SLC6A12: variants seen among roughly 807,000 people sequenced by gnomAD.
SLC6A12 encodes the protein sodium- and chloride-dependent betaine transporter.
SLC6A12 carries 50 observed loss-of-function variants against 73.3 expected under a neutral mutation model. That is an observed-to-expected ratio of 0.68 (90% CI 0.54 to 0.86). The LOEUF (loss-of-function observed/expected upper bound fraction) is 0.86. Among genes scored for constraint, SLC6A12 ranks in the 40% least tolerant of loss-of-function variants. SLC6A12 has a pLI of 0.00. For missense variants in SLC6A12, 648 were observed against 772.8 expected (o/e 0.84, Z 1.92); for synonymous variants, 304 against 309.2 (o/e 0.98, Z 0.18).
chr12:192,704 C>T (rs1591778084), intron 14 of SLC6A12, 56 bp from the exon 15 acceptor site: 16 of 1,540,078 alleles, frequency 1.0e-5, no homozygotes, highest in East Asian at 6.7e-5. Context: ...AAACCCTCTC[C>T]GCAGCTACGT....
At position 204,716 on chromosome 12, in the gene SLC6A12, G is replaced by A. The variant is rs1940534107; in HGVS notation, c.215-18C>T. On this transcript the variant is annotated intron_variant, in intron 3 of 15. Coordinates refer to ENST00000684302, the MANE Select transcript of SLC6A12 (RefSeq NM_001122848.3). ...GAAGGCTCCTGCAGAAGAGAGAGAG[G>A]CAGGGCTGAGCCACACCCGGGCTCT... is the stretch of plus-strand genomic sequence containing the variant. 6.2e-7 allele frequency: 1 copy of A among 1,613,156 alleles called. No individual in the cohort carries two copies. The highest frequency in any genetic ancestry group is 1.7e-5 in the Admixed American group (1 of 59,968).
At chr12:201,391 C>A in intron 6 of SLC6A12, 1 of 248,150 alleles carries the variant, frequency 4.0e-6, no homozygotes, top group Non-Finnish European at 7.9e-6. Context: ...CCGCCTTGGG[C>A]AATTTCAAGC....
chr12:186,939 C>G (rs1406483934), downstream of SLC6A12, among the ~76,000 whole-genome samples: 1 of 152,186 alleles, frequency 6.6e-6, no homozygotes, highest in African/African-American at 2.4e-5. Context: ...CCACTGCCCT[C>G]TGCTGTCCCT....
chr12:212,716 G>A (rs899128732), intron 1 of SLC6A12, among the ~76,000 whole-genome samples: 4 of 152,110 alleles, frequency 2.6e-5, no homozygotes, highest in African/African-American at 9.7e-5. Context: ...TGGCCCAGAG[G>A]ATGTTAGACA....
intron 3 of SLC6A12, among the ~76,000 whole-genome samples, chr12:208,740 G>A (rs1051131122): frequency 3.9e-5 from 6 of 152,092 alleles, no homozygotes; most frequent in Admixed American, 3.3e-4. Context: ...GATTTCTTTC[G>A]GGGATGATGA....
At chr12:206,044 T>G (rs1035763590) in intron 3 of SLC6A12, among the ~76,000 whole-genome samples, 1 of 152,232 alleles carries the variant, frequency 6.6e-6, no homozygotes, top group South Asian at 2.1e-4. Flanking sequence ...TCAAAAGTTA[T>G]GCACTTTTTT....
rs943042468 is a variant in SLC6A12, at chr12:197,271, A to G, written c.1075+106T>C. 4.5e-6 allele frequency: 6 copies of G among 1,322,552 alleles called. No homozygotes were observed. The African/African-American group carries it at 9.0e-5, about 20-fold the overall frequency. 81.9% of individuals were successfully genotyped at this position (1,322,552 alleles called of 1,614,324 possible). A position where few individuals can be genotyped will look rare whatever the true frequency, so the allele number is the denominator to read the frequency against. ...TAAAATTAAAACCTACTACCCATAA[A>G]TAAATCATATTGCCCATCTTCTGGG... On this transcript the variant is annotated intron_variant, in intron 10 of 15. Coordinates refer to ENST00000684302, the MANE Select transcript of SLC6A12 (RefSeq NM_001122848.3).
intron 5 of SLC6A12, 105 bp downstream of exon 5, chr12:202,634 CA>C: frequency 8.1e-7 from 1 of 1,233,130 alleles, no homozygotes; most frequent in Non-Finnish European, 1.1e-6. Context: ...GCTTGGCTGC[CA>C]GGCAGGTTCT....
intron 4 of SLC6A12, chr12:203,847 G>A (rs1940460370): frequency 6.6e-6 from 1 of 152,528 alleles, no homozygotes; most frequent in Non-Finnish European, 1.5e-5. Context: ...GGCAGCTCCG[G>A]GAGAGGGGAG....
intron 4 of SLC6A12, among the ~76,000 whole-genome samples, 163 bp from the exon 5 acceptor site, chr12:203,043 CTTTCTTTTTTCT>C (rs1940365822): frequency 1.6e-5 from 2 of 125,958 alleles, no homozygotes; most frequent in Non-Finnish European, 3.5e-5. Context: ...GCATATTTTT[CTTTCTTTTTTCT>C]TTTCTTTTTT....
At chr12:208,309 C>G (rs1316836620) in intron 3 of SLC6A12, among the ~76,000 whole-genome samples, 1 of 152,066 alleles carries the variant, frequency 6.6e-6, no homozygotes, top group East Asian at 1.9e-4. Context: ...TGAGCCAGCC[C>G]AAGAAAGCCT....
At chr12:210,690 T>C (rs528691696) in intron 2 of SLC6A12, 1 of 152,620 alleles carries the variant, frequency 6.6e-6, no homozygotes, top group Admixed American at 6.5e-5. Flanking sequence ...CTGTTGTATC[T>C]CTGTCCTGAG....
intron 12 of SLC6A12, among the ~76,000 whole-genome samples, 195 bp from the exon 13 acceptor site, chr12:195,522 C>CTT (rs2137120060): frequency 6.6e-6 from 1 of 152,348 alleles, no homozygotes; most frequent in African/African-American, 2.4e-5. Flanking sequence ...ACAATAACCT[C>CTT]TGGCACTGGG....
At chr12:197,151 A>AGTGTTGG (rs1939932190) in intron 10 of SLC6A12, among the ~76,000 whole-genome samples, 1 of 136,964 alleles carries the variant, frequency 7.3e-6, no homozygotes. Flanking sequence ...CCATCCATCC[A>AGTGTTGG]TCCATCCATC....
intron 3 of SLC6A12, chr12:204,907 A>G: frequency 5.6e-6 from 3 of 534,452 alleles, no homozygotes; most frequent in Non-Finnish European, 1.0e-5. Context: ...AACCCTACAC[A>G]GAATGAGAAA....
Position 194,015 on chromosome 12 carries a change from C to T in SLC6A12, c.1430-638G>A, listed in dbSNP as rs559894394. On this transcript the variant is annotated intron_variant, in intron 13 of 15. Coordinates refer to ENST00000684302, the MANE Select transcript of SLC6A12 (RefSeq NM_001122848.3). ...GCCAGTCTTCTAAGAAGCAAAGAAT[C>T]ACTGAATGGTAAAGATACTTGGAGG... The T allele has an allele frequency of 3.3e-5, 5 of 152,344 alleles. No individual in the cohort carries two copies. In the East Asian group the frequency reaches 7.7e-4, roughly 24 times the overall value. 9.4% of individuals were successfully genotyped at this position (152,344 alleles called of 1,614,324 possible). A position where few individuals can be genotyped will look rare whatever the true frequency, so the allele number is the denominator to read the frequency against.
chr12:200,212 C>A (rs890415804), intron 7 of SLC6A12, among the ~76,000 whole-genome samples: 7 of 149,584 alleles, frequency 4.7e-5, no homozygotes, highest in African/African-American at 1.5e-4. Context: ...GGGTTCACGC[C>A]ATTCTCCTGC....
chr12:185,568 G>A (rs1939416643), downstream of SLC6A12, among the ~76,000 whole-genome samples: 1 of 152,216 alleles, frequency 6.6e-6, no homozygotes, highest in South Asian at 2.1e-4. Context: ...CTAGACTCTT[G>A]TTATAGCCAC....
intron 3 of SLC6A12, among the ~76,000 whole-genome samples, chr12:208,354 C>T (rs1202345602): frequency 6.6e-6 from 1 of 152,162 alleles, no homozygotes; most frequent in Admixed American, 6.5e-5. Context: ...GTTCAAGCAG[C>T]TTGTGATCGC....
Sources: allele counts gnomAD v4.1 joint callset (sites outside exome capture counted in the v4.1 genomes callset), GRCh38; gene constraint gnomAD v4.1.1; transcripts MANE v1.5; gene names NCBI Gene and HGNC (gene_info 2026-07-23, HGNC 2026-07-21).